OC90: variants seen among roughly 807,000 people sequenced by gnomAD.
The protein encoded by OC90 is otoconin-90.
In OC90, 46 loss-of-function variants were observed where a neutral mutation model predicts 47.3. The observed-to-expected ratio is 0.97, with a 90% CI of 0.77 to 1.24. The LOEUF is 1.24. OC90 is among the 50% of genes most tolerant of loss of function. The pLI, the probability that OC90 is intolerant of heterozygous loss-of-function variation, is 0.00. For synonymous variants in OC90, 271 were observed against 219.5 expected (o/e 1.23, Z -2.07); for missense variants, 688 against 583.9 (o/e 1.18, Z -1.84).
chr8:132,024,877 A>C, intron 13 of OC90, 101 bp from the exon 14 acceptor site: 1 of 977,070 alleles, frequency 1.0e-6, no homozygotes, highest in Non-Finnish European at 1.5e-6. Context: ...CTTCCTCCCC[A>C]TCTTCCACAC....
At chr8:132,033,195 C>CAAAAA in intron 10 of OC90, 31 bp from the exon 11 acceptor site, 1 of 1,592,982 alleles carries the variant, frequency 6.3e-7, no homozygotes, top group Non-Finnish European at 8.5e-7. Context: ...GATTCGGATT[C>CAAAAA]AAAAAGTGGC....
In OC90 at chr8:132,031,986, C is replaced by T; in HGVS notation, c.926G>A (p.Gly309Glu). ...GGATGTCAGACAAAAGAGCATCTCT[C>T]CAAGCTGTGGCATCACCTGCATGTT... ...GDNMQVMPQLGEMLFCLTSRC... is the reference protein window; with the variant it reads ...GDNMQVMPQLEEMLFCLTSRC... The change falls in exon 12 of 14, where the codon GGA becomes GAA. Residue 309 changes from glycine to glutamate, a missense_variant. Transcript: ENST00000254627. 1 of 1,613,992 alleles carries T rather than the reference C, an allele frequency of 6.2e-7. No homozygotes were observed. The highest frequency in any genetic ancestry group is 8.5e-7 in the Non-Finnish European group (1 of 1,179,864).
At chr8:132,044,555 C>G (rs1437103311) in intron 3 of OC90, 66 bp from the exon 4 acceptor site, 1 of 882,146 alleles carries the variant, frequency 1.1e-6, no homozygotes, top group East Asian at 2.6e-5. Flanking sequence ...CCTGTCCACC[C>G]TCTAGGTAAA....
chr8:132,040,946 A>G, intron 6 of OC90, 98 bp downstream of exon 6: 4 of 762,814 alleles, frequency 5.2e-6, no homozygotes, highest in Admixed American at 1.9e-5. Flanking sequence ...GGTGACGATG[A>G]TGTGAGAGGA....
intron 4 of OC90, among the ~76,000 whole-genome samples, chr8:132,043,528 G>T (rs1237679154): frequency 6.6e-6 from 1 of 152,172 alleles, no homozygotes; most frequent in Non-Finnish European, 1.5e-5. Context: ...TCTGACTAGA[G>T]GATCCTTGAG....
At chr8:132,025,654 T>A (rs1387364760) in intron 13 of OC90, among the ~76,000 whole-genome samples, 1 of 152,206 alleles carries the variant, frequency 6.6e-6, no homozygotes, top group Non-Finnish European at 1.5e-5. Flanking sequence ...GAGCCAACCA[T>A]CAGGCAGGAC....
chr8:132,029,601 C>G (rs987260549), intron 12 of OC90, among the ~76,000 whole-genome samples: 8 of 152,142 alleles, frequency 5.3e-5, no homozygotes, highest in Non-Finnish European at 1.2e-4. Context: ...ATCTTTGACA[C>G]AGAGGAGTTA....
chr8:132,045,997 T>G, intron 2 of OC90, 114 bp from the exon 3 acceptor site: 1 of 672,886 alleles, frequency 1.5e-6, no homozygotes, highest in Non-Finnish European at 2.7e-6. Flanking sequence ...ATAAATTCAA[T>G]TCCATGCATA....
Position 132,041,545 on chromosome 8 carries a change from CA to C in OC90, c.323del (p.Leu108CysfsTer63). On this transcript the variant is annotated frameshift_variant, in exon 5 of 14. Coordinates refer to ENST00000254627, the MANE Select transcript of OC90 (RefSeq NM_001080399.3). LOFTEE classifies it high-confidence loss of function. ...GCTCRFEMEGLPVDESDSCCF... is the reference protein window; with the variant it reads ...GCTCRFEMEGXPVDESDSCCF... ...CTTACCTGTCAGATTCATCCACAGGCAACCCTTCCATCTCAAACCTGCAGGT... is the reference window on the plus strand; with the variant it reads ...CTTACCTGTCAGATTCATCCACAGGCACCCTTCCATCTCAAACCTGCAGGT... The C allele has an allele frequency of 6.2e-7, 1 of 1,611,592 alleles. No homozygotes were observed. Among genetic ancestry groups the C allele is most frequent in the Non-Finnish European group, 8.5e-7 (1 of 1,178,612 alleles).
At position 132,037,560 on chromosome 8, in the gene OC90, G is replaced by T. The variant is rs964731460; in HGVS notation, c.629-72C>A. On this transcript the variant is annotated intron_variant, in intron 8 of 13. Transcript: ENST00000254627. ...TCAAAACCAAGCACAGGGTCTCAAA[G>T]GAAAACAGGCTGGTTGCTGGCCCAA... 2.2e-6 allele frequency: 3 copies of T among 1,386,574 alleles called. No homozygotes were observed. The Admixed American group carries it at 5.9e-5, about 27-fold the overall frequency. The allele number at this position is 1,386,574 out of a possible 1,614,324, so 85.9% of individuals were successfully genotyped here. A position where few individuals can be genotyped will look rare whatever the true frequency, so the allele number is the denominator to read the frequency against.
chr8:132,044,967 G>A (rs892942969), intron 3 of OC90, among the ~76,000 whole-genome samples: 1 of 152,202 alleles, frequency 6.6e-6, no homozygotes, highest in African/African-American at 2.4e-5. Flanking sequence ...TGAGTTGTTT[G>A]TTATCTGGGA....
At position 132,032,007 on chromosome 8, in the gene OC90, A is replaced by G. The variant is rs755192702; in HGVS notation, c.905T>C (p.Met302Thr). Reference protein sequence around the residue: ...TFLHLGSGDNMQVMPQLGEML... With the variant: ...TFLHLGSGDNTQVMPQLGEML... The stretch of plus-strand genomic sequence containing the variant: ...CTCTCCAAGCTGTGGCATCACCTGC[A>G]TGTTGTCCCCACTTCCCAGGTGCAG... The change falls in exon 12 of 14, where the codon ATG (methionine) becomes ACG (threonine). Residue 302 changes from methionine to threonine, a missense_variant. Physicochemically the swap from Met to Thr is moderately conservative, Grantham distance 81. Transcript: ENST00000254627. The G allele has an allele frequency of 1.5e-5, 24 of 1,613,892 alleles. No homozygotes were observed. Among genetic ancestry groups the G allele is most frequent in the South Asian group, 8.8e-5 (8 of 91,092 alleles).
chr8:132,032,897 T>G (rs1586707615), intron 11 of OC90, 142 bp downstream of exon 11: 1 of 929,104 alleles, frequency 1.1e-6, no homozygotes, highest in Non-Finnish European at 1.6e-6. Flanking sequence ...AGCCTCAAGG[T>G]GCTCATGCAG....
At chr8:132,025,704 T>G (rs1206784609) in intron 13 of OC90, among the ~76,000 whole-genome samples, 1 of 152,214 alleles carries the variant, frequency 6.6e-6, no homozygotes. Context: ...CCCTTCCAAG[T>G]GTACTTTACT....
At chr8:132,027,530 G>C (rs182713449) in intron 13 of OC90, among the ~76,000 whole-genome samples, 79 of 152,376 alleles carry the variant, frequency 5.2e-4, no homozygotes, top group African/African-American at 1.7e-3. Flanking sequence ...TAGGGCCTCT[G>C]TGAAATTCTA....
chr8:132,035,757 A>G (rs1356317369), intron 9 of OC90, among the ~76,000 whole-genome samples: 3 of 152,218 alleles, frequency 2.0e-5, no homozygotes, highest in Non-Finnish European at 4.4e-5. Context: ...CGAAAGGACT[A>G]TCAAGCTGAA....
At chr8:132,047,135 C>T (rs994483807) in intron 2 of OC90, among the ~76,000 whole-genome samples, 1 of 152,138 alleles carries the variant, frequency 6.6e-6, no homozygotes, top group African/African-American at 2.4e-5. Context: ...CACTGAGGCT[C>T]GCCAAGTCCT....
chr8:132,028,652 A>AGAC (rs1326458554), intron 13 of OC90, among the ~76,000 whole-genome samples: 1 of 55,064 alleles, frequency 1.8e-5, no homozygotes, highest in Admixed American at 2.5e-4. Flanking sequence ...GGAAGGAAGG[A>AGAC]AGAAAGAAAG....
chr8:132,053,388 A>G (rs1823242681), intron 2 of OC90, among the ~76,000 whole-genome samples: 1 of 152,208 alleles, frequency 6.6e-6, no homozygotes, highest in Non-Finnish European at 1.5e-5. Flanking sequence ...AGTTCAATTG[A>G]TAACTGTTTA....
Sources: gnomAD v4.1 joint callset for allele counts (sites outside exome capture counted in the v4.1 genomes callset) on GRCh38, gnomAD v4.1.1 for gene constraint, MANE v1.5 for transcripts, NCBI Gene and HGNC (gene_info 2026-07-23, HGNC 2026-07-21) for gene names.